Variants in COL4A5 observed in about 807,000 individuals in gnomAD.
COL4A5 encodes collagen alpha-5(IV) chain.
In COL4A5, 26 loss-of-function variants were observed where a neutral mutation model predicts 130.2. That is an observed-to-expected ratio of 0.20 (90% CI 0.15 to 0.28). The LOEUF (loss-of-function observed/expected upper bound fraction) is 0.28, where lower values mean the gene tolerates loss of function less well. Ranked by LOEUF, COL4A5 falls within the 10% of genes least tolerant of loss-of-function variation. COL4A5 has a pLI of 1.00. For missense variants in COL4A5, 1,131 were observed against 1,344.3 expected (o/e 0.84, Z 2.48); for synonymous variants, 496 against 439.6 (o/e 1.13, Z -1.60).
At chrX:108,578,601 C>A (rs2066193084) in intron 13 of COL4A5, among the ~76,000 whole-genome samples, 1 of 109,605 alleles carries the variant, frequency 9.1e-6, no homozygotes, top group Admixed American at 9.7e-5. Context: ...AGTGGAATTC[C>A]ATTAAAATGC....
intron 44 of COL4A5, among the ~76,000 whole-genome samples, chrX:108,678,861 T>C (rs1259943673): frequency 8.9e-6 from 1 of 112,188 alleles, no homozygotes; most frequent in Non-Finnish European, 1.9e-5. Context: ...CAAGTCATGT[T>C]TTGCATTTAA....
At chrX:108,604,077 C>T (rs778277750) in intron 28 of COL4A5, among the ~76,000 whole-genome samples, 1 of 112,145 alleles carries the variant, frequency 8.9e-6, no homozygotes, top group Non-Finnish European at 1.9e-5. Context: ...CCCTCAAAGT[C>T]ATCTGTGAGA....
intron 2 of COL4A5, among the ~76,000 whole-genome samples, chrX:108,544,132 C>T (rs2065600678): frequency 8.9e-6 from 1 of 111,872 alleles, no homozygotes. Context: ...CTGGCCAGAA[C>T]TTCCAACACT....
intron 1 of COL4A5, among the ~76,000 whole-genome samples, chrX:108,499,147 A>T (rs1365770063): frequency 1.8e-5 from 2 of 111,786 alleles, no homozygotes; most frequent in Non-Finnish European, 3.8e-5. Flanking sequence ...CATGCACATC[A>T]TCAGATTGAA....
chrX:108,627,113 T>G, intron 36 of COL4A5: 7 of 670,211 alleles, frequency 1.0e-5, no homozygotes, highest in Non-Finnish European at 1.2e-5. Flanking sequence ...TTGATCAATG[T>G]CTTATAAAGA....
chrX:108,485,282 G>T (rs1281898162), intron 1 of COL4A5, among the ~76,000 whole-genome samples: 1 of 112,033 alleles, frequency 8.9e-6, no homozygotes, highest in Non-Finnish European at 1.9e-5. Flanking sequence ...GAGCCCTCTT[G>T]TTGTTGTACC....
chrX:108,481,721 C>T (rs2064894676), intron 1 of COL4A5, among the ~76,000 whole-genome samples: 1 of 111,312 alleles, frequency 9.0e-6, no homozygotes, highest in African/African-American at 3.3e-5. Flanking sequence ...TTATTCCCAT[C>T]GAATTTAAAT....
intron 1 of COL4A5, among the ~76,000 whole-genome samples, chrX:108,496,492 G>T (rs899269574): frequency 9.0e-6 from 1 of 110,791 alleles, no homozygotes; most frequent in Non-Finnish European, 1.9e-5. Flanking sequence ...TTCTATCTTG[G>T]TGTGTGTTCT....
Position 108,571,976 on chromosome X carries a change from C to A in COL4A5, c.465+139C>A. ...GTGCAGGTGTAAACTTACAAGCTCT[C>A]CTTAAGTAGTCTCCTGTGTTCCCAT... On this transcript the variant is annotated intron_variant, in intron 8 of 52. Coordinates refer to ENST00000328300, the MANE Select transcript of COL4A5 (RefSeq NM_033380.3). 5.9e-6 allele frequency: 3 copies of A among 511,306 alleles called. No individual in the cohort carries two copies. The Admixed American group carries it at 8.8e-5, about 15-fold the overall frequency. The allele number at this position is 511,306 out of a possible 1,213,427, so 42.1% of individuals were successfully genotyped here.
At chrX:108,663,989 G>A (rs968693330) in intron 37 of COL4A5, among the ~76,000 whole-genome samples, 15 of 111,523 alleles carry the variant, frequency 1.3e-4, no homozygotes, top group African/African-American at 4.6e-4. Flanking sequence ...GTTTGAGACT[G>A]GCCTGGCCAA....
intron 1 of COL4A5, among the ~76,000 whole-genome samples, chrX:108,508,856 A>G (rs1344253471): frequency 8.9e-6 from 1 of 112,190 alleles, no homozygotes; most frequent in Admixed American, 9.4e-5. Flanking sequence ...CCAGCTAGCC[A>G]TAAGCAGAAG....
chrX:108,516,825 C>T (rs764916498), intron 1 of COL4A5, among the ~76,000 whole-genome samples: 6 of 111,501 alleles, frequency 5.4e-5, no homozygotes, highest in Non-Finnish European at 1.1e-4. Context: ...TGGATAATTT[C>T]TTCCAGTGAA....
intron 1 of COL4A5, among the ~76,000 whole-genome samples, chrX:108,489,348 A>G (rs1603254780): frequency 9.0e-6 from 1 of 111,111 alleles, no homozygotes; most frequent in Non-Finnish European, 1.9e-5. Flanking sequence ...TCTGTCATGT[A>G]TTGTCATTAT....
In COL4A5 at chrX:108,627,279, T is replaced by A. The variant is rs768995097; in HGVS notation, c.3246+930T>A. ...AATATAGACATATTAAGGGTAAGAG[T>A]GAAAATCTTCTTCATGCCCCATCCT... On this transcript the variant is annotated intron_variant, in intron 36 of 52. Coordinates refer to ENST00000328300, the MANE Select transcript of COL4A5 (RefSeq NM_033380.3). The A allele has an allele frequency of 6.6e-4, 410 of 622,507 alleles. 1 individual carries two copies. Among genetic ancestry groups the A allele is most frequent in the Non-Finnish European group, 7.3e-4 (379 of 522,585 alleles). The allele number at this position is 622,507 out of a possible 1,213,427, so 51.3% of individuals were successfully genotyped here.
intron 36 of COL4A5, among the ~76,000 whole-genome samples, chrX:108,631,382 G>T (rs917437264): frequency 8.1e-5 from 9 of 111,077 alleles, no homozygotes; most frequent in South Asian, 3.8e-4. Context: ...TCCCTTATAA[G>T]TTGTATTCCT....
intron 1 of COL4A5, among the ~76,000 whole-genome samples, chrX:108,476,328 G>A (rs1443762751): frequency 1.8e-5 from 2 of 110,415 alleles, no homozygotes; most frequent in Non-Finnish European, 3.8e-5. Context: ...TATGTGAGAT[G>A]TTTTGATACA....
chrX:108,659,731 T>C (rs745907851), intron 37 of COL4A5, among the ~76,000 whole-genome samples: 1 of 111,280 alleles, frequency 9.0e-6, no homozygotes, highest in South Asian at 3.7e-4. Context: ...TTATACTTAG[T>C]ACAGTATAAC....
chrX:108,559,031 A>G (rs781608441), intron 2 of COL4A5, 33 bp from the exon 3 acceptor site: 3 of 1,128,146 alleles, frequency 2.7e-6, no homozygotes, highest in Non-Finnish European at 3.7e-6. Flanking sequence ...AAATTCACAA[A>G]TGACCTTACC....
intron 29 of COL4A5, among the ~76,000 whole-genome samples, chrX:108,611,575 C>G (rs73636552): frequency 0.11 from 11,719 of 111,014 alleles, 1,301 homozygotes; most frequent in African/African-American, 0.34. Flanking sequence ...GGACTAATTT[C>G]TTGAAAGACA....
Sources: gnomAD v4.1 joint callset for allele counts (sites outside exome capture counted in the v4.1 genomes callset) on GRCh38, gnomAD v4.1.1 for gene constraint, MANE v1.5 for transcripts, NCBI Gene and HGNC (gene_info 2026-07-23, HGNC 2026-07-21) for gene names.